CFAP91: variants seen among roughly 807,000 people sequenced by gnomAD.
CFAP91 encodes the protein cilia- and flagella-associated protein 91.
In CFAP91, 85 loss-of-function variants were observed where a neutral mutation model predicts 95.9. The ratio of observed to expected loss-of-function variants is 0.89; its 90% CI spans 0.74 to 1.06. CFAP91 has a LOEUF of 1.06. Ranked by LOEUF, CFAP91 falls within the 50% of genes least tolerant of loss-of-function variation. The pLI, the probability that CFAP91 is intolerant of heterozygous loss-of-function variation, is 0.00. For missense variants in CFAP91, 962 were observed against 943.4 expected, an observed-to-expected ratio of 1.02 and a Z score of -0.26; for synonymous variants, 335 against 327.5, an observed-to-expected ratio of 1.02 and a Z score of -0.25.
chr3:119,736,268 G>GTTTT lies in CFAP91; in HGVS notation c.1345-1080_1345-1077dup, dbSNP rs770777389. ...ACCACTATTCTACTTTCTTTCTATTGTTTTTTTTTTTTTTTTTTTTTGAGT... is the reference window on the plus strand; with the variant it reads ...ACCACTATTCTACTTTCTTTCTATTGTTTTTTTTTTTTTTTTTTTTTTTTTGAGT... On this transcript the variant is annotated intron_variant, in intron 10 of 17. Coordinates refer to ENST00000273390, the MANE Select transcript of CFAP91 (RefSeq NM_033364.4). Among the ~76,000 whole-genome samples the GTTTT allele has an allele frequency of 1.7e-3, 148 of 85,312 alleles. 3 individuals are homozygous for GTTTT. The highest frequency in any genetic ancestry group is 3.3e-3 in the African/African-American group (67 of 20,612). The allele number at this position is 85,312 out of a possible 152,430, so 56.0% of individuals were successfully genotyped here.
chr3:119,743,189 G>T (rs1483595494), intron 13 of CFAP91, among the ~76,000 whole-genome samples: 1 of 150,494 alleles, frequency 6.6e-6, no homozygotes, highest in African/African-American at 2.5e-5. Context: ...AGGCTGGAGT[G>T]CAGTGGCGCC....
intron 11 of CFAP91, among the ~76,000 whole-genome samples, chr3:119,738,332 C>CT (rs556125660): frequency 0.085 from 1,950 of 22,946 alleles, 765 homozygotes; most frequent in Non-Finnish European, 0.15. Context: ...GACATATTGT[C>CT]TTTTTTTTTT....
chr3:119,720,908 ATTG>A (rs2053671751), intron 6 of CFAP91, among the ~76,000 whole-genome samples: 1 of 151,706 alleles, frequency 6.6e-6, no homozygotes, highest in Non-Finnish European at 1.5e-5. Context: ...ATTATACTGT[ATTG>A]TTTAGGGAAT....
chr3:119,706,381 A>C (rs1413472395), intron 1 of CFAP91: 1 of 153,300 alleles, frequency 6.5e-6, no homozygotes, highest in African/African-American at 2.4e-5. Flanking sequence ...TAGTGCACCA[A>C]ATATGGGAGA....
intron 17 of CFAP91, among the ~76,000 whole-genome samples, chr3:119,760,308 T>C (rs1226782217): frequency 6.6e-6 from 1 of 151,846 alleles, no homozygotes; most frequent in Admixed American, 6.6e-5. Context: ...TGTGTGGTGA[T>C]AAAGGGGTCG....
chr3:119,726,622 C>G (rs183241124), intron 7 of CFAP91, among the ~76,000 whole-genome samples: 5 of 152,286 alleles, frequency 3.3e-5, no homozygotes, highest in Admixed American at 1.3e-4. Flanking sequence ...TTGAACAACT[C>G]CTGAAGGGCA....
At position 119,766,482 on chromosome 3, in the gene CFAP91, C is replaced by T. The variant is rs1214716959; in HGVS notation, c.*1432C>T. On this transcript the variant is annotated 3_prime_UTR_variant, in exon 18 of 18. Transcript: ENST00000273390. ...TGTTTTGTTCTTTGAAAAAGGCTAA[C>T]CTGAGCTAGGTAAAGGTTATATCAT... The T allele has an allele frequency of 6.6e-6, 1 of 151,994 alleles. No homozygotes were observed. The highest frequency in any genetic ancestry group is 1.5e-5 in the Non-Finnish European group (1 of 67,988). 9.4% of individuals were successfully genotyped at this position (151,994 alleles called of 1,614,324 possible).
rs770594988 is a variant in CFAP91 at position 119,707,732 on chromosome 3, G to GATATATATATATATATATAT, written c.359+188_359+189insTATATATATATATATATATA. Among the ~76,000 whole-genome samples the GATATATATATATATATATAT allele has an allele frequency of 9.1e-3, 1,291 of 142,212 alleles. 15 individuals carry two copies. Among genetic ancestry groups the GATATATATATATATATATAT allele is most frequent in the East Asian group, 0.04 (191 of 4,724 alleles). 93.3% of individuals were successfully genotyped at this position (142,212 alleles called of 152,430 possible). ...ACCTGATTATATATTGTATATATGA[G>GATATATATATATATATATAT]ATATATATATATATATAATTTTGTC... On this transcript the variant is annotated intron_variant, in intron 3 of 17. Coordinates refer to ENST00000273390, the MANE Select transcript of CFAP91 (RefSeq NM_033364.4).
chr3:119,729,686 G>A (rs1384611406), intron 7 of CFAP91, among the ~76,000 whole-genome samples: 1 of 152,118 alleles, frequency 6.6e-6, no homozygotes, highest in Non-Finnish European at 1.5e-5. Flanking sequence ...TAAGCTGGAG[G>A]TACAGATAAC....
intron 5 of CFAP91, among the ~76,000 whole-genome samples, chr3:119,713,901 A>G (rs188424701): frequency 6.6e-6 from 1 of 152,216 alleles, no homozygotes; most frequent in East Asian, 1.9e-4. Flanking sequence ...GAATAGCTGC[A>G]TAAATTCCAT....
chr3:119,744,613 C>T (rs895111134), intron 14 of CFAP91, among the ~76,000 whole-genome samples: 1 of 152,152 alleles, frequency 6.6e-6, no homozygotes, highest in South Asian at 2.1e-4. Context: ...CATCCAGTTT[C>T]GGGCTTAAGC....
intron 14 of CFAP91, 41 bp from the exon 15 acceptor site, chr3:119,747,074 C>T (rs777129292): frequency 1.4e-6 from 2 of 1,452,086 alleles, no homozygotes; most frequent in Non-Finnish European, 1.8e-6. Context: ...TTGTTTACAA[C>T]AGCATACCTG....
intron 6 of CFAP91, among the ~76,000 whole-genome samples, chr3:119,719,117 A>C (rs1458129916): frequency 6.6e-6 from 1 of 152,244 alleles, no homozygotes; most frequent in East Asian, 1.9e-4. Flanking sequence ...AATGAAGTAC[A>C]ACTACATGTG....
intron 1 of CFAP91, among the ~76,000 whole-genome samples, chr3:119,705,254 G>T (rs2053336350): frequency 6.6e-6 from 1 of 152,240 alleles, no homozygotes; most frequent in Non-Finnish European, 1.5e-5. Context: ...AAGATTGGTT[G>T]TTGGCTGGCC....
intron 4 of CFAP91, among the ~76,000 whole-genome samples, chr3:119,708,989 T>C (rs2053426750): frequency 6.6e-6 from 1 of 152,168 alleles, no homozygotes; most frequent in Non-Finnish European, 1.5e-5. Context: ...ACTAAGAATA[T>C]GTATTTGAAA....
At chr3:119,704,534 C>T (rs1227589037) in intron 1 of CFAP91, among the ~76,000 whole-genome samples, 1 of 152,016 alleles carries the variant, frequency 6.6e-6, no homozygotes, top group Non-Finnish European at 1.5e-5. Flanking sequence ...CAAGAGGCAC[C>T]GTTAAGCTTG....
chr3:119,725,001 T>A (rs1404303489), intron 6 of CFAP91, among the ~76,000 whole-genome samples: 1 of 152,200 alleles, frequency 6.6e-6, no homozygotes, highest in Non-Finnish European at 1.5e-5. Context: ...AGATCTGAAA[T>A]AAGACACAAA....
intron 6 of CFAP91, among the ~76,000 whole-genome samples, chr3:119,717,317 G>C (rs1282287500): frequency 6.6e-6 from 1 of 152,180 alleles, no homozygotes; most frequent in Non-Finnish European, 1.5e-5. Context: ...AAGGACAAGA[G>C]CCAGGCAGAG....
chr3:119,748,366 A>C (rs2054264174), intron 16 of CFAP91, among the ~76,000 whole-genome samples: 1 of 152,236 alleles, frequency 6.6e-6, no homozygotes, highest in South Asian at 2.1e-4. Context: ...CTGGAACTCC[A>C]TCCAAGTATA....
Sources: allele counts gnomAD v4.1 joint callset (sites outside exome capture counted in the v4.1 genomes callset), GRCh38; gene constraint gnomAD v4.1.1; transcripts MANE v1.5; gene names NCBI Gene and HGNC (gene_info 2026-07-23, HGNC 2026-07-21).